Variants in LSAMP observed in about 807,000 individuals in gnomAD.
LSAMP encodes limbic system associated membrane protein.
LSAMP carries 7 observed loss-of-function variants against 38.6 expected under a neutral mutation model. The observed-to-expected ratio is 0.18, with a 90% CI of 0.10 to 0.34. The LOEUF (loss-of-function observed/expected upper bound fraction) is 0.34, where lower values mean the gene tolerates loss of function less well. LSAMP is among the 10% of genes least tolerant of loss of function. The pLI, the probability that LSAMP is intolerant of heterozygous loss-of-function variation, is 1.00. For synonymous variants in LSAMP, 154 were observed against 166.8 expected, an observed-to-expected ratio of 0.92 and a Z score of 0.59; for missense variants, 313 against 420.0, an observed-to-expected ratio of 0.75 and a Z score of 2.23.
At chr3:115,931,110 C>A (rs1424441261) in intron 3 of LSAMP, among the ~76,000 whole-genome samples, 1 of 151,994 alleles carries the variant, frequency 6.6e-6, no homozygotes, top group African/African-American at 2.4e-5. Context: ...CCAGTGTAAC[C>A]CTTGGCAGCA....
chr3:116,127,253 T>C (rs913235937), intron 1 of LSAMP, among the ~76,000 whole-genome samples: 11 of 152,232 alleles, frequency 7.2e-5, no homozygotes, highest in Admixed American at 7.2e-4. Flanking sequence ...TTCTCCGTTA[T>C]GTAGTGACTG....
chr3:116,244,709 A>G (rs1341107347), intron 1 of LSAMP, among the ~76,000 whole-genome samples: 1 of 152,198 alleles, frequency 6.6e-6, no homozygotes, highest in Non-Finnish European at 1.5e-5. Flanking sequence ...TTATTAGAAA[A>G]CAAACTCCAA....
chr3:115,817,742 C>T (rs1934078007), intron 6 of LSAMP, among the ~76,000 whole-genome samples: 1 of 152,094 alleles, frequency 6.6e-6, no homozygotes, highest in South Asian at 2.1e-4. Flanking sequence ...CAAGTTCATA[C>T]AAAAAGATGG....
chr3:116,251,368 T>G (rs769353161), intron 1 of LSAMP, among the ~76,000 whole-genome samples: 1 of 152,144 alleles, frequency 6.6e-6, no homozygotes, highest in African/African-American at 2.4e-5. Context: ...AAGGTAGAGA[T>G]AGAAAACAGG....
chr3:116,341,196 T>C (rs1464783210), intron 1 of LSAMP, among the ~76,000 whole-genome samples: 5 of 151,952 alleles, frequency 3.3e-5, no homozygotes, highest in African/African-American at 1.2e-4. Flanking sequence ...TTATTAAGAA[T>C]GTAATCCAAA....
intron 1 of LSAMP, among the ~76,000 whole-genome samples, chr3:116,355,854 T>C (rs2048215403): frequency 6.6e-6 from 1 of 151,998 alleles, no homozygotes; most frequent in South Asian, 2.1e-4. Context: ...TAAGGAAAAA[T>C]GCAAATCAAA....
At chr3:116,386,564 C>G (rs961183884) in intron 1 of LSAMP, among the ~76,000 whole-genome samples, 1 of 152,062 alleles carries the variant, frequency 6.6e-6, no homozygotes, top group Non-Finnish European at 1.5e-5. Flanking sequence ...CCTCAGCCTC[C>G]TAGGCTCAAG....
chr3:116,419,942 TAA>T (rs1005340974), intron 1 of LSAMP, among the ~76,000 whole-genome samples: 14 of 152,250 alleles, frequency 9.2e-5, no homozygotes, highest in Non-Finnish European at 1.5e-4. Context: ...TTAGAAATTC[TAA>T]GTTTTGTTCC....
chr3:115,939,530 C>CTT (rs1553751054), intron 3 of LSAMP, among the ~76,000 whole-genome samples: 1 of 99,620 alleles, frequency 1.0e-5, no homozygotes, highest in Non-Finnish European at 2.0e-5. Context: ...TGTTCTCTTT[C>CTT]TCTTTCTTTC....
intron 2 of LSAMP, among the ~76,000 whole-genome samples, chr3:116,021,267 T>C (rs951575161): frequency 3.3e-5 from 5 of 152,168 alleles, no homozygotes; most frequent in Non-Finnish European, 7.4e-5. Flanking sequence ...TCTTGCAATA[T>C]GTTCTTACAG....
intron 2 of LSAMP, among the ~76,000 whole-genome samples, chr3:116,076,620 T>C (rs1194715041): frequency 2.0e-5 from 3 of 152,322 alleles, no homozygotes; most frequent in South Asian, 2.1e-4. Flanking sequence ...TTTGATAAAT[T>C]TGGTGTAATT....
intron 1 of LSAMP, among the ~76,000 whole-genome samples, chr3:116,276,190 TTAAG>T (rs1275661570): frequency 1.3e-5 from 2 of 152,034 alleles, no homozygotes; most frequent in Non-Finnish European, 2.9e-5. Flanking sequence ...AGAATGACCT[TTAAG>T]TAGTAAATAT....
At chr3:116,203,418 C>T (rs537394913) in intron 1 of LSAMP, among the ~76,000 whole-genome samples, 3 of 151,152 alleles carry the variant, frequency 2.0e-5, no homozygotes, top group Non-Finnish European at 2.9e-5. Flanking sequence ...TTTTATTATA[C>T]TTTAAGTTTT....
chr3:115,849,811 A>G (rs560266114), intron 4 of LSAMP, among the ~76,000 whole-genome samples: 3 of 152,300 alleles, frequency 2.0e-5, no homozygotes, highest in Admixed American at 6.5e-5. Flanking sequence ...TTTTAATATA[A>G]ACACAGCTCA....
Position 116,250,045 on chromosome 3 carries a change from A to C in LSAMP, c.156-163489T>G, listed in dbSNP as rs140621118. Reference sequence around the variant, plus strand: ...ATAACTGACTTGCCTAGGATAACTTAGCTATTTCATAGTAGTGTACAGAAA... The same window carrying C: ...ATAACTGACTTGCCTAGGATAACTTCGCTATTTCATAGTAGTGTACAGAAA... On this transcript the variant is annotated intron_variant, in intron 1 of 6. Coordinates refer to ENST00000490035, the MANE Select transcript of LSAMP (RefSeq NM_002338.5). 9.0e-3 allele frequency among the ~76,000 whole-genome samples: 1,375 copies of C among 152,272 alleles called. 16 individuals carry two copies. Among genetic ancestry groups the C allele is most frequent in the Middle Eastern group, 0.071 (21 of 294 alleles).
chr3:116,075,138 A>ATTT (rs71297430), intron 2 of LSAMP, among the ~76,000 whole-genome samples: 16,685 of 118,146 alleles, frequency 0.14, 1,464 homozygotes, highest in Non-Finnish European at 0.18. Context: ...GCACCCAGCC[A>ATTT]TTTTTTTTTT....
intron 1 of LSAMP, among the ~76,000 whole-genome samples, chr3:116,098,488 C>T (rs1708273865): frequency 6.6e-6 from 1 of 152,128 alleles, no homozygotes; most frequent in African/African-American, 2.4e-5. Flanking sequence ...GAGCAAAACT[C>T]CGTCTCAAAA....
chr3:116,185,831 T>C (rs1197292026), intron 1 of LSAMP, among the ~76,000 whole-genome samples: 2 of 149,794 alleles, frequency 1.3e-5, no homozygotes, highest in Non-Finnish European at 3.0e-5. Context: ...CCACACCCAG[T>C]GCTATTACTT....
At chr3:116,124,562 CTGAT>C (rs1440490545) in intron 1 of LSAMP, among the ~76,000 whole-genome samples, 8 of 152,154 alleles carry the variant, frequency 5.3e-5, no homozygotes, top group Non-Finnish European at 1.2e-4. Context: ...ATTTTAAAGA[CTGAT>C]TGTATCACCA....
Sources: gnomAD v4.1 joint callset for allele counts (sites outside exome capture counted in the v4.1 genomes callset) on GRCh38, gnomAD v4.1.1 for gene constraint, MANE v1.5 for transcripts, NCBI Gene and HGNC (gene_info 2026-07-23, HGNC 2026-07-21) for gene names.